DMXL1: variants seen among roughly 807,000 people sequenced by gnomAD.
DMXL1 encodes the protein dmX-like protein 1.
A neutral mutation model predicts 319.2 loss-of-function variants in DMXL1; 99 were observed. The observed-to-expected ratio is 0.31, with a 90% CI of 0.26 to 0.37. The LOEUF is 0.37. Ranked by LOEUF, DMXL1 falls within the 10% of genes least tolerant of loss-of-function variation. DMXL1 has a pLI of 1.00. For synonymous variants in DMXL1, 1,385 were observed against 1,235.2 expected (o/e 1.12, Z -2.54); for missense variants, 3,745 against 3,595.6 (o/e 1.04, Z -1.06).
intron 28 of DMXL1, among the ~76,000 whole-genome samples, chr5:119,182,360 TTGAAATACATTGTATATTGAAGA>T (rs1337098470): frequency 3.3e-5 from 5 of 152,172 alleles, no homozygotes; most frequent in Admixed American, 6.5e-5. Context: ...TACGTGCATA[TTGAAATACATTGTATATTGAAGA>T]TGAAATACAT....
intron 13 of DMXL1, among the ~76,000 whole-genome samples, chr5:119,135,107 G>A (rs911486218): frequency 3.3e-5 from 5 of 152,132 alleles, no homozygotes; most frequent in African/African-American, 1.2e-4. Flanking sequence ...TAATTTTAAT[G>A]CATAATTTTG....
In DMXL1 at chr5:119,186,625, A is replaced by G. The variant is rs188331962; in HGVS notation, c.7136-3083A>G. ...ATATTTTAGTTTTAATCACAGCAAT[A>G]TATGTGTGTGGTAACAAGTCTAGCA... On this transcript the variant is annotated intron_variant, in intron 28 of 43. Coordinates refer to ENST00000539542, the MANE Select transcript of DMXL1 (RefSeq NM_001290321.3). Among the ~76,000 whole-genome samples the G allele has an allele frequency of 2.7e-3, 412 of 152,318 alleles. 2 individuals are homozygous for G. Among genetic ancestry groups the G allele is most frequent in the African/African-American group, 9.1e-3 (379 of 41,576 alleles).
chr5:119,136,168 C>T (rs1188971659), intron 13 of DMXL1, among the ~76,000 whole-genome samples: 1 of 152,192 alleles, frequency 6.6e-6, no homozygotes, highest in East Asian at 1.9e-4. Context: ...AGCAAAGAGA[C>T]TGGTTGCATT....
chr5:119,178,160 C>G lies in DMXL1; in HGVS notation c.7051C>G (p.Leu2351Val), dbSNP rs201859028. Reference protein sequence around the residue: ...NELFRIVAHPLNEKMWSAVFG... With the variant: ...NELFRIVAHPVNEKMWSAVFG... ...GCTATTTCGGATTGTGGCCCATCCTCTAAATGAGAAAATGTGGTCTGCTGT... is the reference window on the plus strand; with the variant it reads ...GCTATTTCGGATTGTGGCCCATCCTGTAAATGAGAAAATGTGGTCTGCTGT... Residue 2351 changes from leucine to valine, a missense_variant, in exon 28 of 44, where the codon CTA becomes GTA. Around this residue, in one of 4 missense-constraint regions of DMXL1, gnomAD observed 1,382 missense variants for 1,269.5 expected, o/e 1.09. Transcript: ENST00000539542. The G allele has an allele frequency of 1.2e-5, 19 of 1,613,804 alleles. No homozygotes were observed. Among genetic ancestry groups the G allele is most frequent in the Non-Finnish European group, 1.4e-5 (17 of 1,179,842 alleles).
In DMXL1 at chr5:119,118,918, T is replaced by C; in HGVS notation, c.847T>C (p.Cys283Arg). 6.2e-7 allele frequency: 1 copy of C among 1,613,900 alleles called. No homozygotes were observed. Among genetic ancestry groups the C allele is most frequent in the African/African-American group, 1.3e-5 (1 of 75,044 alleles). ...TGATTGTTTGCTATACGGAGGTGAC[T>C]GCAGCCATTGGACTGAATCAATTAA... ...PNDCLLYGGD[C>R]SHWTESINLT... Residue 283 changes from cysteine to arginine, a missense_variant, in exon 8 of 44, where the codon TGC becomes CGC. By Grantham distance (180) the Cys-to-Arg change is radical. Coordinates refer to ENST00000539542, the MANE Select transcript of DMXL1 (RefSeq NM_001290321.3).
At chr5:119,094,725 A>C (rs1268691344) in intron 1 of DMXL1, among the ~76,000 whole-genome samples, 1 of 152,188 alleles carries the variant, frequency 6.6e-6, no homozygotes, top group Non-Finnish European at 1.5e-5. Flanking sequence ...GGACATTTGC[A>C]ATGCATAGGA....
chr5:119,103,174 A>G (rs959455097), intron 3 of DMXL1, among the ~76,000 whole-genome samples: 1 of 151,796 alleles, frequency 6.6e-6, no homozygotes, highest in African/African-American at 2.4e-5. Context: ...AGTTGGTCTT[A>G]GGTAAGTCAG....
chr5:119,130,375 C>G (rs1192596231), intron 10 of DMXL1, among the ~76,000 whole-genome samples: 4 of 151,548 alleles, frequency 2.6e-5, no homozygotes, highest in Admixed American at 6.6e-5. Context: ...TGGGGTCTTG[C>G]TCTGTCACCC....
intron 39 of DMXL1, among the ~76,000 whole-genome samples, chr5:119,234,636 A>G (rs1787392062): frequency 6.6e-6 from 1 of 152,184 alleles, no homozygotes; most frequent in South Asian, 2.1e-4. Context: ...AACTTAGTAC[A>G]GATGCCTGTA....
intron 39 of DMXL1, among the ~76,000 whole-genome samples, chr5:119,234,644 G>A (rs1324141226): frequency 1.3e-5 from 2 of 152,126 alleles, no homozygotes; most frequent in Non-Finnish European, 2.9e-5. Context: ...ACAGATGCCT[G>A]TATAATTCTA....
In DMXL1 at chr5:119,164,580, C is replaced by G. The variant is rs1156825397; in HGVS notation, c.4776C>G (p.Ala1592=). 1 of 1,614,094 alleles carries G rather than the reference C, an allele frequency of 6.2e-7. No individual in the cohort carries two copies. Among genetic ancestry groups the G allele is most frequent in the East Asian group, 2.2e-5 (1 of 44,876 alleles). ...AAGAACTGCTGAACATGTTGCCAGC[C>G]ATGCAGAAAGATGATCCCACTTGGT... is the stretch of plus-strand genomic sequence containing the variant. ...AEEELLNMLP[A]MQKDDPTWSE... The change falls in exon 20 of 44, where the codon GCC becomes GCG. Residue 1592 remains alanine (A), a synonymous_variant. Transcript: ENST00000539542.
Position 119,198,730 on chromosome 5 carries a change from A to G in DMXL1, c.7745+774A>G, listed in dbSNP as rs192574504. ...ACATTACCTGACTTCAAACTGTACT[A>G]CAAAGCAACAGTAACCAAAACAGCA... On this transcript the variant is annotated intron_variant, in intron 32 of 43. Coordinates refer to ENST00000539542, the MANE Select transcript of DMXL1 (RefSeq NM_001290321.3). Among the ~76,000 whole-genome samples, 6 of 152,352 alleles carry G rather than the reference A, an allele frequency of 3.9e-5. No homozygotes were observed. In the East Asian group the frequency reaches 1.2e-3, roughly 29 times the overall value.
intron 26 of DMXL1, among the ~76,000 whole-genome samples, chr5:119,176,531 G>GT (rs1034704338): frequency 4.0e-5 from 6 of 151,686 alleles, no homozygotes; most frequent in Admixed American, 1.3e-4. Flanking sequence ...GAATGAGGGA[G>GT]TTTTTTTTGT....
chr5:119,163,440 A>G (rs1266673180), intron 19 of DMXL1, among the ~76,000 whole-genome samples: 1 of 152,204 alleles, frequency 6.6e-6, no homozygotes, highest in Non-Finnish European at 1.5e-5. Context: ...TTTTTGAGAC[A>G]GAGCCTTACT....
At chr5:119,071,881 G>C (rs1476521017) in intron 1 of DMXL1, among the ~76,000 whole-genome samples, 1 of 152,148 alleles carries the variant, frequency 6.6e-6, no homozygotes, top group African/African-American at 2.4e-5. Flanking sequence ...ATATTTTGTA[G>C]GATTTTTAAA....
chr5:119,183,533 C>T (rs192559774), intron 28 of DMXL1, among the ~76,000 whole-genome samples: 20 of 151,548 alleles, frequency 1.3e-4, no homozygotes, highest in East Asian at 2.0e-4. Flanking sequence ...AGTGCAGTGG[C>T]GTGATCTCGG....
intron 28 of DMXL1, among the ~76,000 whole-genome samples, chr5:119,181,934 C>T (rs1776855281): frequency 1.3e-5 from 2 of 152,182 alleles, no homozygotes; most frequent in South Asian, 4.1e-4. Flanking sequence ...AATCTCAGAA[C>T]AGAAAATCAA....
intron 19 of DMXL1, among the ~76,000 whole-genome samples, chr5:119,162,295 A>G (rs1026543252): frequency 1.3e-5 from 2 of 152,170 alleles, no homozygotes; most frequent in Admixed American, 6.5e-5. Flanking sequence ...ATCTGTGGCT[A>G]GTTGCTACTT....
intron 33 of DMXL1, among the ~76,000 whole-genome samples, chr5:119,204,952 C>G (rs780597819): frequency 2.6e-5 from 4 of 152,132 alleles, no homozygotes; most frequent in Non-Finnish European, 4.4e-5. Flanking sequence ...CATTGTCTCT[C>G]AATTTAAGCA....
Sources: allele counts gnomAD v4.1 joint callset (sites outside exome capture counted in the v4.1 genomes callset), GRCh38; gene constraint gnomAD v4.1.1; regional missense constraint gnomAD v4.1.1; transcripts MANE v1.5; gene names NCBI Gene and HGNC (gene_info 2026-07-23, HGNC 2026-07-21).